The following CNTNAP2 variants were observed in gnomAD, a reference collection of about 807,000 sequenced individuals.
CNTNAP2 encodes the protein contactin-associated protein-like 2.
CNTNAP2 carries 98 observed loss-of-function variants against 155.2 expected under a neutral mutation model. The observed-to-expected ratio is 0.63, with a 90% confidence interval of 0.54 to 0.75. CNTNAP2 has a LOEUF of 0.75. Ranked by LOEUF, CNTNAP2 falls within the 30% of genes least tolerant of loss-of-function variation. CNTNAP2 has a pLI of 0.00. For synonymous variants in CNTNAP2, 651 were observed against 631.2 expected (o/e 1.03, Z -0.47); for missense variants, 1,727 against 1,688.1 (o/e 1.02, Z -0.40).
chr7:146,148,568 C>T (rs761038839), intron 1 of CNTNAP2, among the ~76,000 whole-genome samples: 34 of 152,074 alleles, frequency 2.2e-4, no homozygotes, highest in Non-Finnish European at 3.8e-4. Context: ...AAGACGTGCA[C>T]GCCTGATTTA....
chr7:148,296,392 A>T (rs1180672623), intron 21 of CNTNAP2, among the ~76,000 whole-genome samples: 1 of 151,502 alleles, frequency 6.6e-6, no homozygotes, highest in African/African-American at 2.4e-5. Context: ...ACTAAAATAC[A>T]AAAAATTATC....
chr7:147,967,084 A>G (rs1472255287), intron 14 of CNTNAP2, among the ~76,000 whole-genome samples: 1 of 152,180 alleles, frequency 6.6e-6, no homozygotes, highest in Non-Finnish European at 1.5e-5. Flanking sequence ...ATGAAAACAC[A>G]TGGAAATGGC....
chr7:147,224,927 T>G (rs1325330543), intron 8 of CNTNAP2, among the ~76,000 whole-genome samples: 4 of 152,200 alleles, frequency 2.6e-5, no homozygotes, highest in Non-Finnish European at 5.9e-5. Flanking sequence ...TTCTGAACCC[T>G]CTTACCAAGT....
At chr7:147,959,474 G>C (rs1457836015) in intron 14 of CNTNAP2, among the ~76,000 whole-genome samples, 1 of 152,108 alleles carries the variant, frequency 6.6e-6, no homozygotes, top group African/African-American at 2.4e-5. Context: ...GCCAATGGTA[G>C]GGTAGAAGAA....
intron 1 of CNTNAP2, among the ~76,000 whole-genome samples, chr7:146,126,512 A>C (rs570376109): frequency 2.2e-4 from 34 of 152,326 alleles, no homozygotes; most frequent in Admixed American, 1.6e-3. Context: ...ATTGAAATAC[A>C]TGTAATAGTC....
chr7:147,340,221 A>T (rs1795737118), intron 9 of CNTNAP2, among the ~76,000 whole-genome samples: 1 of 152,042 alleles, frequency 6.6e-6, no homozygotes, highest in Non-Finnish European at 1.5e-5. Flanking sequence ...AGCTTCCCTT[A>T]CTCCTAAGTT....
At chr7:147,389,053 C>T (rs1052109745) in intron 9 of CNTNAP2, among the ~76,000 whole-genome samples, 1 of 152,156 alleles carries the variant, frequency 6.6e-6, no homozygotes, top group Non-Finnish European at 1.5e-5. Flanking sequence ...AGACTCTCTT[C>T]CCCTGGACTA....
At position 146,617,772 on chromosome 7, in the gene CNTNAP2, A is replaced by G. The variant is rs13245866; in HGVS notation, c.98-156499A>G. Among the ~76,000 whole-genome samples the G allele has an allele frequency of 5.8e-3, 887 of 152,266 alleles. 1 individual carries two copies. Among genetic ancestry groups the G allele is most frequent in the Non-Finnish European group, 0.01 (681 of 68,004 alleles). ...TAAAGTGAAACAAAATATTTTTTTA[A>G]AATATCTCATAAAAGTCAAGTCTGA... On this transcript the variant is annotated intron_variant, in intron 1 of 23. Transcript: ENST00000361727.
chr7:148,122,083 G>A (rs182209746), intron 16 of CNTNAP2, among the ~76,000 whole-genome samples: 2 of 152,252 alleles, frequency 1.3e-5, no homozygotes, highest in East Asian at 1.9e-4. Flanking sequence ...GGCGTTTTAC[G>A]TGAATCATCT....
intron 1 of CNTNAP2, among the ~76,000 whole-genome samples, chr7:146,649,029 G>C (rs1799862467): frequency 6.6e-6 from 1 of 151,992 alleles, no homozygotes; most frequent in East Asian, 1.9e-4. Context: ...AATGTCACTA[G>C]GATAAACCAA....
At chr7:147,139,596 C>T (rs1266355414) in intron 8 of CNTNAP2, among the ~76,000 whole-genome samples, 1 of 152,008 alleles carries the variant, frequency 6.6e-6, no homozygotes, top group Non-Finnish European at 1.5e-5. Context: ...CATTGCCCAG[C>T]ATCTACCTCC....
chr7:146,913,722 C>T (rs915939468), intron 3 of CNTNAP2, among the ~76,000 whole-genome samples: 7 of 152,034 alleles, frequency 4.6e-5, no homozygotes, highest in Non-Finnish European at 8.8e-5. Flanking sequence ...CTCCTAATGG[C>T]GTCACATAGA....
At chr7:147,504,209 TC>T (rs1798866795) in intron 11 of CNTNAP2, among the ~76,000 whole-genome samples, 1 of 152,070 alleles carries the variant, frequency 6.6e-6, no homozygotes, top group South Asian at 2.1e-4. Context: ...GTCCTGTAGC[TC>T]CTGACATGAG....
chr7:147,299,681 A>G (rs1378352184), intron 8 of CNTNAP2, among the ~76,000 whole-genome samples: 1 of 152,248 alleles, frequency 6.6e-6, no homozygotes. Flanking sequence ...AAAGCCATAA[A>G]TTCATTTTCT....
At chr7:147,060,714 A>C (rs1799648509) in intron 4 of CNTNAP2, among the ~76,000 whole-genome samples, 1 of 152,218 alleles carries the variant, frequency 6.6e-6, no homozygotes, top group South Asian at 2.1e-4. Flanking sequence ...ATACAAAAAA[A>C]TTAGCCAGGC....
chr7:147,482,928 C>T (rs991965448), intron 10 of CNTNAP2, among the ~76,000 whole-genome samples: 33 of 151,212 alleles, frequency 2.2e-4, no homozygotes, highest in South Asian at 4.2e-4. Flanking sequence ...CACCTGTAAT[C>T]CCAGCTACTT....
chr7:146,265,807 A>T (rs28465114), intron 1 of CNTNAP2, among the ~76,000 whole-genome samples: 6,189 of 152,214 alleles, frequency 0.041, 204 homozygotes, highest in African/African-American at 0.089. Context: ...CAATTTGATC[A>T]TATTTTGAAA....
At chr7:148,316,943 G>T (rs1249799513) in intron 21 of CNTNAP2, among the ~76,000 whole-genome samples, 1 of 152,146 alleles carries the variant, frequency 6.6e-6, no homozygotes, top group Non-Finnish European at 1.5e-5. Flanking sequence ...GCCTCATTTG[G>T]CAATCTGTAT....
At chr7:146,139,990 G>T (rs889050036) in intron 1 of CNTNAP2, among the ~76,000 whole-genome samples, 1 of 152,092 alleles carries the variant, frequency 6.6e-6, no homozygotes, top group Non-Finnish European at 1.5e-5. Flanking sequence ...TAGCTCCAGC[G>T]TCCAGTCAAA....
Sources: gnomAD v4.1 joint callset for allele counts (sites outside exome capture counted in the v4.1 genomes callset) on GRCh38, gnomAD v4.1.1 for gene constraint, MANE v1.5 for transcripts, NCBI Gene and HGNC (gene_info 2026-07-23, HGNC 2026-07-21) for gene names.